The following FOXP1 variants were observed in gnomAD, a reference collection of about 807,000 sequenced individuals.
FOXP1 encodes the protein forkhead box P1, also known as forkhead box protein P1.
FOXP1 carries 15 observed loss-of-function variants against 98.2 expected under a neutral mutation model. The ratio of observed to expected loss-of-function variants is 0.15; its 90% confidence interval spans 0.10 to 0.24. The LOEUF (loss-of-function observed/expected upper bound fraction) is 0.24. Among genes scored for constraint, FOXP1 ranks in the 10% least tolerant of loss-of-function variants. The probability of loss-of-function intolerance (pLI) is 1.00; values close to 1 mark genes in which losing one functional copy is unlikely to be tolerated. For synonymous variants in FOXP1, 371 were observed against 314.5 expected (o/e 1.18, Z -1.90); for missense variants, 633 against 848.5 (o/e 0.75, Z 3.15).
chr3:71,129,759 A>G lies in FOXP1; in HGVS notation c.181-17122T>C, dbSNP rs539152492. Among the ~76,000 whole-genome samples the G allele has an allele frequency of 6.6e-5, 10 of 152,288 alleles. No individual in the cohort carries two copies. In the South Asian group the frequency reaches 1.7e-3, roughly 25 times the overall value. On this transcript the variant is annotated intron_variant, in intron 6 of 20. Transcript: ENST00000649528. Reference sequence around the variant, plus strand: ...TTAAAAAGTCATTTCAACAGAAAGGACTAAGAGAGCCGTTAGATTGCTCTT... The same window carrying G: ...TTAAAAAGTCATTTCAACAGAAAGGGCTAAGAGAGCCGTTAGATTGCTCTT...
At chr3:71,396,399 A>G (rs921719978) in intron 3 of FOXP1, among the ~76,000 whole-genome samples, 3 of 152,144 alleles carry the variant, frequency 2.0e-5, no homozygotes, top group Non-Finnish European at 4.4e-5. Context: ...ACACACTATT[A>G]TCATCTCCAT....
In FOXP1 at chr3:70,955,538, C is replaced by T; in HGVS notation, c.*3709G>A. On this transcript the variant is annotated 3_prime_UTR_variant, in exon 21 of 21. Coordinates refer to ENST00000649528, the MANE Select transcript of FOXP1 (RefSeq NM_001349338.3). ...CTTTTCTTTGAGAAAAAAAAAGTAA[C>T]AGATTTTCTTTACATCTTGGCACCT... 1 of 231,844 alleles carries T rather than the reference C, an allele frequency of 4.3e-6. No homozygotes were observed. Among genetic ancestry groups the T allele is most frequent in the East Asian group, 6.1e-5 (1 of 16,408 alleles). 14.4% of individuals were successfully genotyped at this position (231,844 alleles called of 1,614,324 possible).
chr3:71,351,908 TAGA>T (rs2077807082), intron 4 of FOXP1, among the ~76,000 whole-genome samples: 1 of 152,224 alleles, frequency 6.6e-6, no homozygotes, highest in South Asian at 2.1e-4. Context: ...CAACTGGAGA[TAGA>T]AGAATGGCAA....
chr3:71,227,027 G>T (rs1308166723), intron 5 of FOXP1, among the ~76,000 whole-genome samples: 1 of 152,138 alleles, frequency 6.6e-6, no homozygotes, highest in South Asian at 2.1e-4. Context: ...GGTAATGGCG[G>T]TGCCGGGCCT....
intron 2 of FOXP1, among the ~76,000 whole-genome samples, chr3:71,567,043 G>A (rs1449469516): frequency 6.6e-6 from 1 of 152,134 alleles, no homozygotes; most frequent in Non-Finnish European, 1.5e-5. Flanking sequence ...GTGCTGGAAT[G>A]ATGAGGATAG....
chr3:71,082,454 C>A (rs752544011), intron 7 of FOXP1, among the ~76,000 whole-genome samples: 1 of 141,418 alleles, frequency 7.1e-6, no homozygotes, highest in Admixed American at 7.1e-5. Flanking sequence ...GGGAGGGGAA[C>A]ATCACACACC....
chr3:71,226,628 T>A (rs2065860919), intron 5 of FOXP1, among the ~76,000 whole-genome samples: 1 of 151,894 alleles, frequency 6.6e-6, no homozygotes, highest in Non-Finnish European at 1.5e-5. Flanking sequence ...TCTGGCTCAA[T>A]CTCTTTCACT....
rs1426650150 is a variant in FOXP1 at position 71,198,212 on chromosome 3, T to C, written c.170A>G (p.Gln57Arg). 6.2e-7 allele frequency: 1 copy of C among 1,614,136 alleles called. No individual in the cohort carries two copies. Among genetic ancestry groups the C allele is most frequent in the African/African-American group, 1.3e-5 (1 of 75,070 alleles). ...GAADLAHAQQQQQQALQVARQ... is the reference protein window; with the variant it reads ...GAADLAHAQQRQQQALQVARQ... ...TCCAAAGCCCAGTACCTGTTGCTGC[T>C]GCTGCTGGGCGTGGGCGAGGTCAGC... Residue 57 changes from glutamine to arginine, a missense_variant, in exon 6 of 21, where the codon CAG (glutamine) becomes CGG (arginine). Physicochemically the swap from Gln to Arg is conservative, Grantham distance 43. Transcript: ENST00000649528.
At chr3:71,538,819 G>C (rs1375735789) in intron 2 of FOXP1, among the ~76,000 whole-genome samples, 2 of 152,110 alleles carry the variant, frequency 1.3e-5, no homozygotes, top group Non-Finnish European at 2.9e-5. Flanking sequence ...TCTATATTTA[G>C]GTCTTAATAC....
At chr3:71,574,364 GTC>G (rs2047566200) in intron 2 of FOXP1, 1 of 152,156 alleles carries the variant, frequency 6.6e-6, no homozygotes, top group African/African-American at 2.4e-5. Flanking sequence ...ATGAAAAAAT[GTC>G]TCAACAACTT....
chr3:71,543,986 T>C (rs542815616), intron 2 of FOXP1, among the ~76,000 whole-genome samples: 4 of 151,852 alleles, frequency 2.6e-5, no homozygotes, highest in East Asian at 1.9e-4. Flanking sequence ...ACACTATATA[T>C]ACACATATAC....
intron 2 of FOXP1, among the ~76,000 whole-genome samples, chr3:71,513,622 T>A (rs2042355347): frequency 6.6e-6 from 1 of 152,154 alleles, no homozygotes. Flanking sequence ...GAAAGTTGAT[T>A]ATACAAAATG....
chr3:70,961,129 G>A (rs1204858175), intron 20 of FOXP1, among the ~76,000 whole-genome samples: 3 of 151,926 alleles, frequency 2.0e-5, no homozygotes. Flanking sequence ...ACTGCGCCCG[G>A]CTGCTAAAAA....
intron 3 of FOXP1, among the ~76,000 whole-genome samples, chr3:71,455,141 C>T (rs1157515585): frequency 6.6e-6 from 1 of 152,036 alleles, no homozygotes. Flanking sequence ...TGTGCATTCT[C>T]GGTAACACAT....
chr3:71,343,005 T>G (rs530481733), intron 4 of FOXP1, among the ~76,000 whole-genome samples: 27 of 152,218 alleles, frequency 1.8e-4, no homozygotes, highest in African/African-American at 6.5e-4. Flanking sequence ...ATGAAGGTGG[T>G]AAGAGGAGCT....
intron 2 of FOXP1, among the ~76,000 whole-genome samples, chr3:71,575,189 C>T (rs562914385): frequency 6.6e-6 from 1 of 152,286 alleles, no homozygotes; most frequent in African/African-American, 2.4e-5. Context: ...TTAAAAACCA[C>T]CGTTTTTCAT....
chr3:71,570,729 A>G (rs527237307), intron 2 of FOXP1: 15 of 152,328 alleles, frequency 9.8e-5, no homozygotes, highest in Admixed American at 9.1e-4. Flanking sequence ...TTGGCTTTGG[A>G]CACACATAAA....
At chr3:71,109,424 G>GA (rs2057723148) in intron 7 of FOXP1, among the ~76,000 whole-genome samples, 1 of 16,658 alleles carries the variant, frequency 6.0e-5, no homozygotes, top group Non-Finnish European at 2.4e-4. Context: ...TGGGGATTTG[G>GA]GGGTTTTTTT....
intron 2 of FOXP1, among the ~76,000 whole-genome samples, chr3:71,569,593 C>T (rs866212724): frequency 6.6e-6 from 1 of 151,936 alleles, no homozygotes; most frequent in Admixed American, 6.6e-5. Flanking sequence ...GGAACATCAT[C>T]TATATATTTT....
Sources: allele counts gnomAD v4.1 joint callset (sites outside exome capture counted in the v4.1 genomes callset), GRCh38; gene constraint gnomAD v4.1.1; transcripts MANE v1.5; gene names NCBI Gene and HGNC (gene_info 2026-07-23, HGNC 2026-07-21).